Variants in SLC2A13 observed in about 807,000 individuals in gnomAD.
SLC2A13 encodes proton myo-inositol cotransporter.
SLC2A13 carries 32 observed loss-of-function variants against 64.4 expected under a neutral mutation model. The ratio of observed to expected loss-of-function variants is 0.50; its 90% CI spans 0.37 to 0.67. The LOEUF (loss-of-function observed/expected upper bound fraction) is 0.67. Among genes scored for constraint, SLC2A13 ranks in the 30% least tolerant of loss-of-function variants. The probability of loss-of-function intolerance (pLI) is 0.00; values close to 1 mark genes in which losing one functional copy is unlikely to be tolerated. For synonymous variants in SLC2A13, 338 were observed against 327.1 expected, an observed-to-expected ratio of 1.03 and a Z score of -0.36; for missense variants, 743 against 829.2, an observed-to-expected ratio of 0.90 and a Z score of 1.28.
chr12:39,846,700 C>T (rs79853359), intron 6 of SLC2A13, among the ~76,000 whole-genome samples: 2,288 of 152,234 alleles, frequency 0.015, 54 homozygotes, highest in African/African-American at 0.052. Flanking sequence ...GATCCACTGG[C>T]CTCGGCCTCC....
intron 4 of SLC2A13, among the ~76,000 whole-genome samples, chr12:39,906,287 T>C (rs577656322): frequency 6.6e-6 from 1 of 152,270 alleles, no homozygotes; most frequent in South Asian, 2.1e-4. Context: ...TATTACCAAA[T>C]CACTGTGTGA....
intron 7 of SLC2A13, among the ~76,000 whole-genome samples, chr12:39,789,654 A>G (rs554416900): frequency 3.3e-5 from 5 of 152,290 alleles, no homozygotes; most frequent in African/African-American, 1.2e-4. Flanking sequence ...TGAAACCATT[A>G]AGATTCTCAC....
At chr12:40,066,941 G>C (rs940268972) in intron 1 of SLC2A13, among the ~76,000 whole-genome samples, 24 of 152,112 alleles carry the variant, frequency 1.6e-4, no homozygotes, top group African/African-American at 5.8e-4. Flanking sequence ...AATTCTTAGG[G>C]AAACTAATTT....
rs1206229720 is a variant in SLC2A13, at chr12:40,003,277, A to G, written c.925+25024T>C. ...CAACTTCCACTTCAAAAAGAATAGT[A>G]TATGAATTACCCTATTTAACAACTA... is the stretch of plus-strand genomic sequence containing the variant. On this transcript the variant is annotated intron_variant, in intron 3 of 9. Transcript: ENST00000280871. Among the ~76,000 whole-genome samples the G allele has an allele frequency of 2.0e-5, 3 of 152,256 alleles. No homozygotes were observed. In the East Asian group the frequency reaches 5.8e-4, roughly 29 times the overall value.
intron 7 of SLC2A13, among the ~76,000 whole-genome samples, chr12:39,776,942 T>C (rs1234631671): frequency 6.6e-6 from 1 of 152,194 alleles, no homozygotes; most frequent in African/African-American, 2.4e-5. Context: ...ATGGGTTTTT[T>C]CTTTTTCAAT....
intron 2 of SLC2A13, among the ~76,000 whole-genome samples, chr12:40,031,240 T>C (rs1947898466): frequency 6.6e-6 from 1 of 152,114 alleles, no homozygotes; most frequent in Non-Finnish European, 1.5e-5. Flanking sequence ...ATTTATTTTT[T>C]TAGATGGAGT....
At chr12:39,965,346 T>C (rs953405260) in intron 3 of SLC2A13, among the ~76,000 whole-genome samples, 9 of 152,174 alleles carry the variant, frequency 5.9e-5, no homozygotes, top group African/African-American at 2.2e-4. Flanking sequence ...TGGATTTCTA[T>C]GAAGAACTGA....
intron 4 of SLC2A13, among the ~76,000 whole-genome samples, chr12:39,940,224 T>G (rs908042198): frequency 1.3e-5 from 2 of 152,204 alleles, no homozygotes; most frequent in Admixed American, 6.5e-5. Flanking sequence ...GATGCTGCTC[T>G]AATACATTCA....
intron 4 of SLC2A13, among the ~76,000 whole-genome samples, chr12:39,944,932 T>C (rs192805956): frequency 6.6e-6 from 1 of 152,194 alleles, no homozygotes; most frequent in South Asian, 2.1e-4. Context: ...TTCTTTTTAA[T>C]GTGCATTTTT....
At chr12:39,990,032 G>A (rs11564139) in intron 3 of SLC2A13, among the ~76,000 whole-genome samples, 16,115 of 152,100 alleles carry the variant, frequency 0.11, 1,182 homozygotes, top group Non-Finnish European at 0.13. Context: ...TTTTTAACAG[G>A]AAGCCAGTGA....
chr12:39,899,642 A>C (rs1243078382), intron 4 of SLC2A13, among the ~76,000 whole-genome samples: 5 of 149,854 alleles, frequency 3.3e-5, no homozygotes, highest in African/African-American at 4.9e-5. Context: ...CCCTCTACAC[A>C]CTGCTTTGAA....
At chr12:39,809,580 T>C (rs1239412752) in intron 7 of SLC2A13, among the ~76,000 whole-genome samples, 1 of 152,216 alleles carries the variant, frequency 6.6e-6, no homozygotes, top group Non-Finnish European at 1.5e-5. Flanking sequence ...TATGTACACA[T>C]GTGCCCTGTT....
chr12:39,998,299 C>T (rs535558646), intron 3 of SLC2A13, among the ~76,000 whole-genome samples: 2 of 152,296 alleles, frequency 1.3e-5, no homozygotes, highest in Admixed American at 6.5e-5. Flanking sequence ...AACCAAACAT[C>T]GTATGCTGTC....
intron 7 of SLC2A13, among the ~76,000 whole-genome samples, chr12:39,774,529 C>T (rs1253476989): frequency 6.6e-6 from 1 of 150,598 alleles, no homozygotes; most frequent in Non-Finnish European, 1.5e-5. Context: ...TCCTAGCTTG[C>T]AGTGTGGAGA....
chr12:39,850,869 G>A (rs7135701), intron 6 of SLC2A13, among the ~76,000 whole-genome samples: 94,797 of 151,796 alleles, frequency 0.62, 29,760 homozygotes, highest in East Asian at 0.77. Flanking sequence ...TGAAATATCA[G>A]GAAGAGCTGA....
At chr12:39,808,846 A>G (rs1942057260) in intron 7 of SLC2A13, among the ~76,000 whole-genome samples, 1 of 152,112 alleles carries the variant, frequency 6.6e-6, no homozygotes. Context: ...TGTAAATAAT[A>G]CTTCCGGTCT....
At chr12:39,782,685 A>G (rs1300025622) in intron 7 of SLC2A13, among the ~76,000 whole-genome samples, 2 of 152,196 alleles carry the variant, frequency 1.3e-5, no homozygotes, top group African/African-American at 4.8e-5. Context: ...AAAGGTTGGA[A>G]CAGTTTGGAG....
At chr12:39,779,179 G>C (rs1940886883) in intron 7 of SLC2A13, among the ~76,000 whole-genome samples, 1 of 152,148 alleles carries the variant, frequency 6.6e-6, no homozygotes, top group African/African-American at 2.4e-5. Context: ...TTTTCTTACA[G>C]TTTTGCTCTG....
intron 6 of SLC2A13, among the ~76,000 whole-genome samples, chr12:39,862,964 T>A (rs1943800790): frequency 6.6e-6 from 1 of 152,168 alleles, no homozygotes; most frequent in South Asian, 2.1e-4. Context: ...AAAAACCCAG[T>A]AAGCGGACTG....
Sources: gnomAD v4.1 joint callset for allele counts (sites outside exome capture counted in the v4.1 genomes callset) on GRCh38, gnomAD v4.1.1 for gene constraint, MANE v1.5 for transcripts, NCBI Gene and HGNC (gene_info 2026-07-23, HGNC 2026-07-21) for gene names.